The following ZFHX3 variants were observed in gnomAD, a reference collection of about 807,000 sequenced individuals.
ZFHX3 encodes zinc finger homeobox protein 3.
Under a neutral mutation model 279.1 loss-of-function variants are expected in ZFHX3, and 42 were observed. The observed-to-expected ratio is 0.15, with a 90% CI of 0.12 to 0.19. The LOEUF is 0.19. ZFHX3 is among the 10% of genes least tolerant of loss of function. ZFHX3 has a pLI of 1.00. For synonymous variants in ZFHX3, 2,293 were observed against 1,957.8 expected, an observed-to-expected ratio of 1.17 and a Z score of -4.52; for missense variants, 4,981 against 4,754.0, an observed-to-expected ratio of 1.05 and a Z score of -1.40.
chr16:73,696,548 C>G (rs2053199410), intron 1 of ZFHX3, among the ~76,000 whole-genome samples: 1 of 152,190 alleles, frequency 6.6e-6, no homozygotes, highest in Admixed American at 6.5e-5. Context: ...ACCATTCAGC[C>G]TAGAAAGCTC....
chr16:72,954,319 G>A (rs757581927), intron 2 of ZFHX3, among the ~76,000 whole-genome samples: 2 of 152,288 alleles, frequency 1.3e-5, no homozygotes, highest in East Asian at 1.9e-4. Flanking sequence ...GCAGTGAGCC[G>A]AGACTGCGCT....
At chr16:73,195,994 G>A (rs1333210605) in intron 5 of ZFHX3, among the ~76,000 whole-genome samples, 4 of 152,132 alleles carry the variant, frequency 2.6e-5, no homozygotes, top group African/African-American at 4.8e-5. Flanking sequence ...CACACATGCC[G>A]TGTACATATT....
chr16:73,065,342 T>A (rs1965734608), intron 8 of ZFHX3, among the ~76,000 whole-genome samples: 1 of 152,200 alleles, frequency 6.6e-6, no homozygotes, highest in African/African-American at 2.4e-5. Context: ...AGGCATGGCT[T>A]ATTTAATGGC....
chr16:73,728,271 G>A (rs1310963528), intron 1 of ZFHX3, among the ~76,000 whole-genome samples: 1 of 152,156 alleles, frequency 6.6e-6, no homozygotes, highest in Non-Finnish European at 1.5e-5. Flanking sequence ...GTGCCTGTGT[G>A]CAAGCCAAGG....
intron 3 of ZFHX3, among the ~76,000 whole-genome samples, chr16:73,329,546 G>C (rs1193515826): frequency 1.3e-5 from 2 of 152,238 alleles, no homozygotes; most frequent in African/African-American, 4.8e-5. Flanking sequence ...ATCAGGAGAG[G>C]AGGCAGTGAT....
At chr16:72,844,835 C>G (rs749650687) in intron 4 of ZFHX3, among the ~76,000 whole-genome samples, 8 of 152,144 alleles carry the variant, frequency 5.3e-5, no homozygotes, top group Non-Finnish European at 1.2e-4. Context: ...GAATGAGAGG[C>G]AAGTAGACTG....
intron 3 of ZFHX3, among the ~76,000 whole-genome samples, chr16:73,369,742 A>G (rs2016590526): frequency 6.6e-6 from 1 of 152,228 alleles, no homozygotes; most frequent in South Asian, 2.1e-4. Context: ...CTTCTGTGAT[A>G]TTAAAAAGTT....
Position 73,048,059 on chromosome 16 carries a change from G to C in ZFHX3, c.-357C>G, listed in dbSNP as rs2144720397. 6.6e-6 allele frequency: 1 copy of C among 151,530 alleles called. No homozygotes were observed. Among genetic ancestry groups the C allele is most frequent in the South Asian group, 2.0e-4 (1 of 4,882 alleles). The allele number at this position is 151,530 out of a possible 1,614,324, so 9.4% of individuals were successfully genotyped here. ...CCACGGGGCGCGGCGCTGGCGTCCG[G>C]GTCCCCGGCCTGCCCGCCGCCGCCG... On this transcript the variant is annotated 5_prime_UTR_variant, in exon 1 of 10. Coordinates refer to ENST00000268489, the MANE Select transcript of ZFHX3 (RefSeq NM_006885.4).
chr16:73,093,942 G>A (rs1369218140), intron 7 of ZFHX3, among the ~76,000 whole-genome samples: 1 of 152,144 alleles, frequency 6.6e-6, no homozygotes, highest in African/African-American at 2.4e-5. Flanking sequence ...GGATGTAGCC[G>A]GCATGGCACG....
In ZFHX3 at chr16:73,881,485, C is replaced by CA. The variant is rs986538236; in HGVS notation, c.-1608+10165_-1608+10166insT. Among the ~76,000 whole-genome samples, 16 of 78,384 alleles carry CA rather than the reference C, an allele frequency of 2.0e-4. 2 individuals are homozygous for CA. The highest frequency in any genetic ancestry group is 5.0e-4 in the African/African-American group (13 of 25,854). The allele number at this position is 78,384 out of a possible 152,430, so 51.4% of individuals were successfully genotyped here. On this transcript the variant is annotated intron_variant, in intron 1 of 17. Coordinates refer to the ZFHX3 transcript ENST00000641206. ...CTCTCTCTCTCTCTCTCTCTGCCCC[C>CA]CCCCCCCACTCTGCCCATGGTTACT...
At chr16:73,248,971 G>A (rs573980384) in intron 5 of ZFHX3, among the ~76,000 whole-genome samples, 2 of 152,136 alleles carry the variant, frequency 1.3e-5, no homozygotes, top group Non-Finnish European at 2.9e-5. Flanking sequence ...CATTAGATTG[G>A]GAATTAGATA....
At chr16:72,874,258 G>C (rs1597333868) in intron 4 of ZFHX3, among the ~76,000 whole-genome samples, 1 of 140,134 alleles carries the variant, frequency 7.1e-6, no homozygotes, top group South Asian at 2.3e-4. Flanking sequence ...TCAGCCTGGA[G>C]TGCAGTGGCA....
rs569793329 is a variant in ZFHX3, at chr16:73,820,563, C to A, written c.-1608+71088G>T. Reference sequence around the variant, plus strand: ...AGCCAGCCCTATGAGTGAGTTATCCCTGTTACCCAGTCCAATCAAACCCAC... The same window carrying A: ...AGCCAGCCCTATGAGTGAGTTATCCATGTTACCCAGTCCAATCAAACCCAC... On this transcript the variant is annotated intron_variant, in intron 1 of 17. Coordinates refer to the ZFHX3 transcript ENST00000641206. 2.6e-4 allele frequency among the ~76,000 whole-genome samples: 40 copies of A among 152,196 alleles called. No individual in the cohort carries two copies. In the South Asian group the frequency reaches 5.6e-3, roughly 21 times the overall value.
chr16:73,759,122 A>C (rs527931742), intron 1 of ZFHX3, among the ~76,000 whole-genome samples: 12 of 152,336 alleles, frequency 7.9e-5, no homozygotes, highest in African/African-American at 2.6e-4. Context: ...TACTAAAACT[A>C]ATACTGACTT....
At chr16:73,022,079 T>C (rs117365037) in intron 1 of ZFHX3, among the ~76,000 whole-genome samples, 381 of 152,238 alleles carry the variant, frequency 2.5e-3, no homozygotes, top group Non-Finnish European at 3.8e-3. Context: ...CCACAGCATT[T>C]AACATCATCC....
At chr16:73,308,452 G>A (rs141785148) in intron 4 of ZFHX3, among the ~76,000 whole-genome samples, 325 of 151,494 alleles carry the variant, frequency 2.1e-3, no homozygotes, top group African/African-American at 7.7e-3. Flanking sequence ...CACCATGCCT[G>A]GCTAATTTTT....
At chr16:73,421,633 G>A (rs2017720839) in intron 3 of ZFHX3, among the ~76,000 whole-genome samples, 1 of 152,114 alleles carries the variant, frequency 6.6e-6, no homozygotes, top group Non-Finnish European at 1.5e-5. Flanking sequence ...TTCTAGGCAG[G>A]AGAACCTAAA....
rs373394519 is a variant in ZFHX3, at chr16:73,345,114, A to AT, written c.-1290-26779dup. On this transcript the variant is annotated intron_variant, in intron 3 of 17. Transcript: ENST00000641206. ...GCAAAATCTTTTCCTAGTTAAAAGC[A>AT]TTTTTTTTCATAGCCCTGGATTTAA... Among the ~76,000 whole-genome samples, 15 of 152,030 alleles carry AT rather than the reference A, an allele frequency of 9.9e-5. No homozygotes were observed. The East Asian group carries it at 1.5e-3, about 16-fold the overall frequency.
At chr16:72,824,725 A>T (rs368041941) in intron 5 of ZFHX3, among the ~76,000 whole-genome samples, 14 of 152,252 alleles carry the variant, frequency 9.2e-5, no homozygotes, top group Admixed American at 8.5e-4. Flanking sequence ...ATTATTGGTG[A>T]TAAAGCATCA....
Sources: gnomAD v4.1 joint callset for allele counts (sites outside exome capture counted in the v4.1 genomes callset) on GRCh38, gnomAD v4.1.1 for gene constraint, MANE v1.5 for transcripts, NCBI Gene and HGNC (gene_info 2026-07-23, HGNC 2026-07-21) for gene names.